GPATCH8: variants seen among roughly 807,000 people sequenced by gnomAD.
GPATCH8 encodes G-patch domain containing 8, also known as G patch domain-containing protein 8.
In GPATCH8, 18 loss-of-function variants were observed where a neutral mutation model predicts 118.3. The observed-to-expected ratio is 0.15, with a 90% confidence interval of 0.11 to 0.23. The LOEUF (loss-of-function observed/expected upper bound fraction) is 0.23, where lower values mean the gene tolerates loss of function less well. Ranked by LOEUF, GPATCH8 falls within the 10% of genes least tolerant of loss-of-function variation. GPATCH8 has a pLI of 1.00. For missense variants in GPATCH8, 1,631 were observed against 1,873.8 expected (o/e 0.87, Z 2.39); for synonymous variants, 659 against 684.7 (o/e 0.96, Z 0.59).
chr17:44,403,169 G>A (rs552911454), intron 7 of GPATCH8, among the ~76,000 whole-genome samples: 13 of 152,158 alleles, frequency 8.5e-5, no homozygotes, highest in East Asian at 5.8e-4. Flanking sequence ...TCTACCTCCC[G>A]GGTTCAAGTG....
chr17:44,502,394 T>C (rs1970143684), intron 1 of GPATCH8, among the ~76,000 whole-genome samples: 1 of 151,812 alleles, frequency 6.6e-6, no homozygotes. Flanking sequence ...ACGGATGTAT[T>C]TTACCTAGAA....
chr17:44,490,568 C>T (rs1477878324), intron 1 of GPATCH8, among the ~76,000 whole-genome samples: 1 of 151,344 alleles, frequency 6.6e-6, no homozygotes, highest in Non-Finnish European at 1.5e-5. Context: ...ATACTATATG[C>T]TTTCAAAGTT....
rs750620460 is a variant in GPATCH8 at position 44,400,589 on chromosome 17, T to G, written c.1488A>C (p.Glu496Asp). 1 of 1,614,050 alleles carries G rather than the reference T, an allele frequency of 6.2e-7. No homozygotes were observed. Among genetic ancestry groups the G allele is most frequent in the East Asian group, 2.2e-5 (1 of 44,888 alleles). The change falls in exon 8 of 8, where the codon GAA (glutamate) becomes GAC (aspartate). Residue 496 changes from glutamate (E) to aspartate (D), a missense_variant. Glu to Asp is a conservative substitution (Grantham distance 45). Coordinates refer to ENST00000591680, the MANE Select transcript of GPATCH8 (RefSeq NM_001002909.4). ...TCTCTGAAACCTTCTGACTATGACT[T>G]TCTAAACTCTGATCACTTACATCCC... ...LGGDVSDQSL[E>D]SHSQKVSETQ...
chr17:44,491,600 T>A (rs897600541), intron 1 of GPATCH8, among the ~76,000 whole-genome samples: 9 of 152,026 alleles, frequency 5.9e-5, no homozygotes, highest in African/African-American at 1.9e-4. Context: ...ATACTTGTAA[T>A]CCTAGCACTT....
chr17:44,488,042 C>T (rs1267890106), intron 1 of GPATCH8, among the ~76,000 whole-genome samples: 6 of 150,772 alleles, frequency 4.0e-5, no homozygotes, highest in African/African-American at 1.5e-4. Context: ...CCTGCCTCAG[C>T]CTCCCAAGTA....
At chr17:44,413,460 C>G (rs2049525329) in intron 6 of GPATCH8, among the ~76,000 whole-genome samples, 1 of 151,982 alleles carries the variant, frequency 6.6e-6, no homozygotes, top group African/African-American at 2.4e-5. Context: ...GGATTACAGG[C>G]ATGAGCCACT....
intron 5 of GPATCH8, among the ~76,000 whole-genome samples, chr17:44,433,754 A>G (rs1008253781): frequency 2.0e-5 from 3 of 152,218 alleles, no homozygotes; most frequent in African/African-American, 7.2e-5. Context: ...CCAACAAAGG[A>G]ATCTACATAG....
At chr17:44,441,071 G>A (rs1480177403) in intron 3 of GPATCH8, among the ~76,000 whole-genome samples, 3 of 152,076 alleles carry the variant, frequency 2.0e-5, no homozygotes, top group Non-Finnish European at 2.9e-5. Context: ...GGATGGTCTC[G>A]ATCTCTTGAC....
At chr17:44,501,098 A>C (rs1970027484) in intron 1 of GPATCH8, among the ~76,000 whole-genome samples, 1 of 152,224 alleles carries the variant, frequency 6.6e-6, no homozygotes, top group Non-Finnish European at 1.5e-5. Context: ...CTATTTACCC[A>C]AAATGCTAGG....
In GPATCH8 at chr17:44,430,645, AT is replaced by A. The variant is rs375784095; in HGVS notation, c.348+4419del. Among the ~76,000 whole-genome samples, 50 of 147,240 alleles carry A rather than the reference AT, an allele frequency of 3.4e-4. 1 individual carries two copies. The highest frequency in any genetic ancestry group is 1.2e-3 in the Admixed American group (18 of 14,698). ...AGACGACAGGAATGTTCACTGTTGC[AT>A]TTTTTTTTTTGAGATAGAGTCTCAC... On this transcript the variant is annotated intron_variant, in intron 5 of 7. Coordinates refer to ENST00000591680, the MANE Select transcript of GPATCH8 (RefSeq NM_001002909.4).
intron 1 of GPATCH8, among the ~76,000 whole-genome samples, chr17:44,492,524 ATGTAG>A: frequency 6.6e-6 from 1 of 152,162 alleles, no homozygotes; most frequent in African/African-American, 2.4e-5. Flanking sequence ...GTGAGCCGAG[ATGTAG>A]TCACTACAAT....
rs968472816 is a variant in GPATCH8 at position 44,395,836 on chromosome 17, T to C, written c.*1732A>G. 5 of 454,142 alleles carry C rather than the reference T, an allele frequency of 1.1e-5. No individual in the cohort carries two copies. Among genetic ancestry groups the C allele is most frequent in the South Asian group, 7.8e-5 (5 of 64,482 alleles). The allele number at this position is 454,142 out of a possible 1,614,324, so 28.1% of individuals were successfully genotyped here. A position where few individuals can be genotyped will look rare whatever the true frequency, so the allele number is the denominator to read the frequency against. ...AGTTAGGAAAATGCCAAAGTGGGAATTGTTAACCTCATCAAAGGAGATGGG... is the reference window on the plus strand; with the variant it reads ...AGTTAGGAAAATGCCAAAGTGGGAACTGTTAACCTCATCAAAGGAGATGGG... On this transcript the variant is annotated 3_prime_UTR_variant, in exon 8 of 8. Transcript: ENST00000591680.
chr17:44,421,297 C>T (rs1413677273), intron 6 of GPATCH8, among the ~76,000 whole-genome samples: 2 of 151,308 alleles, frequency 1.3e-5, no homozygotes, highest in African/African-American at 4.8e-5. Flanking sequence ...GCCGAGATCG[C>T]GCCATTGCAC....
At chr17:44,419,045 C>T (rs1409542197) in intron 6 of GPATCH8, among the ~76,000 whole-genome samples, 1 of 152,074 alleles carries the variant, frequency 6.6e-6, no homozygotes, top group Non-Finnish European at 1.5e-5. Flanking sequence ...CACATAACAC[C>T]CCCGCATCCT....
Position 44,397,872 on chromosome 17 carries a change from A to G in GPATCH8, c.4205T>C (p.Leu1402Pro). The G allele has an allele frequency of 6.2e-7, 1 of 1,603,334 alleles. No individual in the cohort carries two copies. Among genetic ancestry groups the G allele is most frequent in the Non-Finnish European group, 8.5e-7 (1 of 1,170,946 alleles). ...CTGGGGAATATGATGCACCTGGGCA[A>G]GTGGTTGGGGATGGGGGTGAGGGTG... The part of the protein sequence containing the change: ...GIHPHPHPQP[L>P]AQVHHIPQPH... The change falls in exon 8 of 8, where the codon CTT becomes CCT. Residue 1402 changes from leucine to proline, a missense_variant. Leu to Pro is a moderately conservative substitution (Grantham distance 98, BLOSUM62 -3). Transcript: ENST00000591680.
chr17:44,420,344 T>TG (rs2049851594), intron 6 of GPATCH8, among the ~76,000 whole-genome samples: 1 of 152,230 alleles, frequency 6.6e-6, no homozygotes, highest in South Asian at 2.1e-4. Flanking sequence ...TAAGGTCAAA[T>TG]GACACCACAA....
chr17:44,473,207 T>G (rs1354455252), intron 2 of GPATCH8: 1 of 150,860 alleles, frequency 6.6e-6, no homozygotes, highest in Non-Finnish European at 1.5e-5. Flanking sequence ...CGATCTTGGC[T>G]CACTGCAAGC....
At chr17:44,408,423 G>C (rs1171286511) in intron 6 of GPATCH8, among the ~76,000 whole-genome samples, 1 of 152,080 alleles carries the variant, frequency 6.6e-6, no homozygotes, top group Non-Finnish European at 1.5e-5. Context: ...CTGACCTCAG[G>C]TGATCCGCCC....
intron 3 of GPATCH8, among the ~76,000 whole-genome samples, chr17:44,455,430 G>GAGT (rs2051292320): frequency 6.6e-6 from 1 of 151,854 alleles, no homozygotes; most frequent in African/African-American, 2.4e-5. Flanking sequence ...GAACCAGGAG[G>GAGT]TAGAGGTTGC....
Sources: allele counts gnomAD v4.1 joint callset (sites outside exome capture counted in the v4.1 genomes callset), GRCh38; gene constraint gnomAD v4.1.1; transcripts MANE v1.5; gene names NCBI Gene and HGNC (gene_info 2026-07-23, HGNC 2026-07-21).